Variants in IMPG1 observed in about 807,000 individuals in gnomAD.
The protein encoded by IMPG1 is interphotoreceptor matrix proteoglycan of 150 kDa.
A neutral mutation model predicts 92.0 loss-of-function variants in IMPG1; 85 were observed. That is an observed-to-expected ratio of 0.92 (90% confidence interval 0.78 to 1.11). The LOEUF (loss-of-function observed/expected upper bound fraction) is 1.11, where lower values mean the gene tolerates loss of function less well. Among genes scored for constraint, IMPG1 ranks in the 50% least tolerant of loss-of-function variants. IMPG1 has a pLI of 0.00. For synonymous variants in IMPG1, 367 were observed against 334.1 expected (o/e 1.10, Z -1.08); for missense variants, 1,022 against 956.0 (o/e 1.07, Z -0.91).
At chr6:76,005,895 G>C (rs569042603) in intron 9 of IMPG1, among the ~76,000 whole-genome samples, 1 of 149,552 alleles carries the variant, frequency 6.7e-6, no homozygotes, top group East Asian at 2.0e-4. Context: ...GGAGTGCATT[G>C]GCATGGTCAT....
chr6:75,953,397 C>T (rs1782067239), intron 12 of IMPG1, among the ~76,000 whole-genome samples: 1 of 150,556 alleles, frequency 6.6e-6, no homozygotes, highest in African/African-American at 2.4e-5. Context: ...AGCTATTTCC[C>T]CTAATGTTAT....
chr6:76,007,060 T>C (rs1438563545), intron 9 of IMPG1, among the ~76,000 whole-genome samples: 1 of 152,168 alleles, frequency 6.6e-6, no homozygotes, highest in African/African-American at 2.4e-5. Context: ...TCAGTTCACA[T>C]TGACCTTGGA....
intron 1 of IMPG1, among the ~76,000 whole-genome samples, chr6:76,057,774 A>G (rs372991554): frequency 6.4e-4 from 97 of 152,226 alleles, no homozygotes; most frequent in African/African-American, 2.3e-3. Flanking sequence ...GCTGGGCTAA[A>G]TTAAGGACAT....
chr6:76,001,548 A>G (rs1467787441), intron 12 of IMPG1, among the ~76,000 whole-genome samples: 1 of 152,092 alleles, frequency 6.6e-6, no homozygotes, highest in Non-Finnish European at 1.5e-5. Flanking sequence ...GACACTCTGA[A>G]CTCAGCTACC....
intron 2 of IMPG1, 50 bp from the exon 3 acceptor site, chr6:76,034,837 C>A: frequency 6.8e-7 from 1 of 1,474,580 alleles, no homozygotes; most frequent in Non-Finnish European, 9.3e-7. Context: ...TCCCCGTACC[C>A]AATCCCAAGC....
Position 75,992,206 on chromosome 6 carries a change from T to A in IMPG1, c.1291+10712A>T, listed in dbSNP as rs1410086774. On this transcript the variant is annotated intron_variant, in intron 12 of 16. Transcript: ENST00000369950. ...GCATCAAAGTGCAACTTTCCCTGGTTTTCCAGCCTGCCACCTGCAGGCTTT... is the reference window on the plus strand; with the variant it reads ...GCATCAAAGTGCAACTTTCCCTGGTATTCCAGCCTGCCACCTGCAGGCTTT... 1.3e-5 allele frequency among the ~76,000 whole-genome samples: 2 copies of A among 152,216 alleles called. 1 individual carries two copies. The highest frequency in any genetic ancestry group is 3.9e-4 in the East Asian group (2 of 5,194).
chr6:75,960,766 C>A (rs76841031), intron 12 of IMPG1, among the ~76,000 whole-genome samples: 3 of 152,158 alleles, frequency 2.0e-5, no homozygotes, highest in African/African-American at 4.8e-5. Context: ...TTTTGCACTA[C>A]AATAGGAAAG....
At chr6:75,958,702 G>A (rs761517567) in intron 12 of IMPG1, among the ~76,000 whole-genome samples, 6 of 151,884 alleles carry the variant, frequency 4.0e-5, no homozygotes, top group African/African-American at 7.3e-5. Context: ...CGAAGTTCTC[G>A]TGCTGTTTTT....
At chr6:76,041,216 G>A (rs1476825474) in intron 2 of IMPG1, among the ~76,000 whole-genome samples, 1 of 152,154 alleles carries the variant, frequency 6.6e-6, no homozygotes, top group Non-Finnish European at 1.5e-5. Context: ...GTCACTGATG[G>A]CTGTGCTGTG....
intron 1 of IMPG1, among the ~76,000 whole-genome samples, chr6:76,054,067 A>C (rs1280975079): frequency 1.3e-5 from 2 of 152,078 alleles, no homozygotes; most frequent in Non-Finnish European, 2.9e-5. Flanking sequence ...TAGGAAGAGC[A>C]CTCTGCCACT....
chr6:76,071,416 T>C (rs1784402018), intron 1 of IMPG1, among the ~76,000 whole-genome samples: 1 of 151,040 alleles, frequency 6.6e-6, no homozygotes, highest in South Asian at 2.1e-4. Flanking sequence ...AATATTTATA[T>C]ATAATTGATA....
intron 7 of IMPG1, among the ~76,000 whole-genome samples, chr6:76,018,008 G>A (rs1000898701): frequency 6.6e-6 from 1 of 152,200 alleles, no homozygotes; most frequent in Non-Finnish European, 1.5e-5. Flanking sequence ...CTCCCAAAGT[G>A]CTAGGATTAC....
chr6:75,961,091 C>T (rs981300119), intron 12 of IMPG1, among the ~76,000 whole-genome samples: 4 of 152,028 alleles, frequency 2.6e-5, no homozygotes, highest in African/African-American at 9.7e-5. Flanking sequence ...TGCCAGAAGC[C>T]CCATTAGTAG....
intron 4 of IMPG1, among the ~76,000 whole-genome samples, chr6:76,026,414 GC>G (rs928653906): frequency 1.1e-4 from 17 of 152,156 alleles, no homozygotes; most frequent in African/African-American, 3.9e-4. Context: ...GGGAAACCAT[GC>G]CCCCATACCC....
At chr6:75,923,466 T>A (rs1055908584) in intron 16 of IMPG1, among the ~76,000 whole-genome samples, 168 bp downstream of exon 16, 1 of 152,150 alleles carries the variant, frequency 6.6e-6, no homozygotes, top group African/African-American at 2.4e-5. Flanking sequence ...AATCCCAGCC[T>A]TCTGACTCTA....
In IMPG1 at chr6:75,971,299, C is replaced by G. The variant is rs557345650; in HGVS notation, c.1292-20205G>C. Reference sequence around the variant, plus strand: ...TACATGGACACAGGAAGGGGAACATCACACACCAGGGCCTGTTGTGGGGTC... The same window carrying G: ...TACATGGACACAGGAAGGGGAACATGACACACCAGGGCCTGTTGTGGGGTC... On this transcript the variant is annotated intron_variant, in intron 12 of 16. Coordinates refer to ENST00000369950, the MANE Select transcript of IMPG1 (RefSeq NM_001563.4). Among the ~76,000 whole-genome samples, 374 of 138,096 alleles carry G rather than the reference C, an allele frequency of 2.7e-3. 1 individual carries two copies. Among genetic ancestry groups the G allele is most frequent in the African/African-American group, 9.9e-3 (362 of 36,522 alleles). The allele number at this position is 138,096 out of a possible 152,430, so 90.6% of individuals were successfully genotyped here.
chr6:75,931,585 T>A (rs1781669909), intron 14 of IMPG1, among the ~76,000 whole-genome samples: 1 of 152,200 alleles, frequency 6.6e-6, no homozygotes, highest in African/African-American at 2.4e-5. Context: ...CTTAGTTTTT[T>A]TTTTTTAAGT....
At chr6:75,924,751 TATATCATATAATTA>T (rs1781522162) in intron 15 of IMPG1, among the ~76,000 whole-genome samples, 2 of 65,316 alleles carry the variant, frequency 3.1e-5, no homozygotes, top group African/African-American at 1.2e-4. Context: ...TAATATATAA[TATATCATATAATTA>T]TATATAATAT....
chr6:75,988,837 T>A (rs958086969), intron 12 of IMPG1, among the ~76,000 whole-genome samples: 46 of 152,314 alleles, frequency 3.0e-4, no homozygotes, highest in African/African-American at 1.0e-3. Flanking sequence ...GAAGCCACTG[T>A]GTCCCCAGCA....
Sources: gnomAD v4.1 joint callset for allele counts (sites outside exome capture counted in the v4.1 genomes callset) on GRCh38, gnomAD v4.1.1 for gene constraint, MANE v1.5 for transcripts, NCBI Gene and HGNC (gene_info 2026-07-23, HGNC 2026-07-21) for gene names.